RPA2: variants seen among roughly 807,000 people sequenced by gnomAD.
RPA2 encodes replication protein A2, also known as replication protein A 32 kDa subunit.
Under a neutral mutation model 33.4 loss-of-function variants are expected in RPA2, and 22 were observed. The observed-to-expected ratio is 0.66, with a 90% confidence interval of 0.47 to 0.94. RPA2 has a LOEUF of 0.94. Ranked by LOEUF, RPA2 falls within the 40% of genes least tolerant of loss-of-function variation. The pLI is 0.00. For missense variants in RPA2, 279 were observed against 329.9 expected (o/e 0.85, Z 1.19); for synonymous variants, 109 against 114.9 (o/e 0.95, Z 0.33).
At chr1:27,902,109 T>G (rs916968518) in intron 4 of RPA2, among the ~76,000 whole-genome samples, 1 of 152,184 alleles carries the variant, frequency 6.6e-6, no homozygotes, top group East Asian at 1.9e-4. Flanking sequence ...TTTTCTGAGA[T>G]GGAATATTGC....
intron 8 of RPA2, among the ~76,000 whole-genome samples, 174 bp downstream of exon 8, chr1:27,893,838 A>C (rs1304137108): frequency 6.6e-6 from 1 of 151,870 alleles, no homozygotes; most frequent in Non-Finnish European, 1.5e-5. Context: ...CGAACTCCTG[A>C]CCTCAGGTGA....
rs55902224 is a variant in RPA2 at position 27,897,470 on chromosome 1, TAA to T, written c.408+161_408+162del. ...CATTCTGTTAATTTCATGTTAAGGT[TAA>T]AAAAAAAAAAAAGAAAAGTTATTTC... is the stretch of plus-strand genomic sequence containing the variant. On this transcript the variant is annotated intron_variant, in intron 5 of 8. Transcript: ENST00000373912. Among the ~76,000 whole-genome samples the T allele has an allele frequency of 6.7e-3, 966 of 144,332 alleles. 4 individuals are homozygous for T. The highest frequency in any genetic ancestry group is 9.0e-3 in the Non-Finnish European group (585 of 65,184). The allele number at this position is 144,332 out of a possible 152,430, so 94.7% of individuals were successfully genotyped here.
In RPA2 at chr1:27,912,446, G is replaced by A. The variant is rs946618491; in HGVS notation, c.117+1617C>T. Among the ~76,000 whole-genome samples, 13 of 151,900 alleles carry A rather than the reference G, an allele frequency of 8.6e-5. No individual in the cohort carries two copies. The Middle Eastern group carries it at 0.01, about 123-fold the overall frequency. On this transcript the variant is annotated intron_variant, in intron 2 of 8. Transcript: ENST00000373912. ...AACATAGGTAGTACCAGCTGCTAGA[G>A]AGGCTGAGGTGGGAATGATCACTTG...
chr1:27,908,883 T>C (rs2090064366), intron 2 of RPA2, among the ~76,000 whole-genome samples: 1 of 152,202 alleles, frequency 6.6e-6, no homozygotes, highest in Non-Finnish European at 1.5e-5. Context: ...AACATGAAGA[T>C]GAATATGATG....
chr1:27,914,434 T>C lies in RPA2; in HGVS notation c.10A>G (p.Ser4Gly), dbSNP rs2090142506. MWN[S>G]GFESYGSSSY... The stretch of plus-strand genomic sequence containing the variant: ...CTCCACCCCGCACCCCCATCATTAC[T>C]GTTCCACATCTTGGTCACGATTCTC... The change falls in exon 1 of 9, where the codon AGT becomes GGT. Residue 4 changes from serine (S) to glycine (G), a missense_variant and splice_region_variant. Transcript: ENST00000373912. 1.2e-6 allele frequency: 2 copies of C among 1,602,716 alleles called. No individual in the cohort carries two copies. The highest frequency in any genetic ancestry group is 2.2e-5 in the South Asian group (2 of 89,660).
intron 2 of RPA2, among the ~76,000 whole-genome samples, chr1:27,911,478 C>T (rs1010617706): frequency 2.0e-5 from 3 of 152,054 alleles, no homozygotes; most frequent in African/African-American, 7.2e-5. Flanking sequence ...ATTATAATAA[C>T]CAGAATGGAG....
chr1:27,892,848 T>C (rs1303255636), intron 8 of RPA2, among the ~76,000 whole-genome samples: 4 of 152,204 alleles, frequency 2.6e-5, no homozygotes, highest in African/African-American at 4.8e-5. Flanking sequence ...GGAAATGGAA[T>C]CAGCCCTGAG....
At chr1:27,907,878 C>T (rs937600171) in intron 2 of RPA2, among the ~76,000 whole-genome samples, 2 of 152,114 alleles carry the variant, frequency 1.3e-5, no homozygotes, top group East Asian at 1.9e-4. Context: ...GACAGAGTTT[C>T]GCTCCTGTTG....
At chr1:27,914,674 C>G, upstream of RPA2, 1 of 1,613,082 alleles carries the variant, frequency 6.2e-7, no homozygotes, top group Non-Finnish European at 8.5e-7. Context: ...CCAGAAAACG[C>G]GTACTGCGCT....
In RPA2 at chr1:27,907,290, GA is replaced by G; in HGVS notation, c.118-9del. Reference sequence around the variant, plus strand: ...GTGCTGGGCTCGGGCTCTCTGAAAAGAAAAAACATGCAAAATTCAATTAAGA... The same window carrying G: ...GTGCTGGGCTCGGGCTCTCTGAAAAGAAAAACATGCAAAATTCAATTAAGA... On this transcript the variant is annotated splice_polypyrimidine_tract_variant and intron_variant, in intron 2 of 8. Coordinates refer to ENST00000373912, the MANE Select transcript of RPA2 (RefSeq NM_002946.5). The G allele has an allele frequency of 6.3e-7, 1 of 1,588,598 alleles. No individual in the cohort carries two copies.
chr1:27,909,605 T>C (rs2090073015), intron 2 of RPA2, among the ~76,000 whole-genome samples: 1 of 151,670 alleles, frequency 6.6e-6, no homozygotes, highest in African/African-American at 2.4e-5. Flanking sequence ...TCCCAGCTAC[T>C]GGGGAGGCTG....
chr1:27,901,830 C>T (rs2089971139), intron 4 of RPA2, among the ~76,000 whole-genome samples: 1 of 151,726 alleles, frequency 6.6e-6, no homozygotes, highest in Non-Finnish European at 1.5e-5. Context: ...GAAATTCTGG[C>T]CTCAAGTGAT....
chr1:27,898,132 G>A (rs1247014233), intron 4 of RPA2, among the ~76,000 whole-genome samples: 1 of 152,128 alleles, frequency 6.6e-6, no homozygotes, highest in Non-Finnish European at 1.5e-5. Context: ...CAGTAGCTGG[G>A]ATTACAGGCG....
At chr1:27,893,740 C>T (rs1463229945) in intron 8 of RPA2, among the ~76,000 whole-genome samples, 5 of 151,658 alleles carry the variant, frequency 3.3e-5, no homozygotes, top group Non-Finnish European at 5.9e-5. Context: ...CCGGAGTGGC[C>T]GGGATTACAG....
Position 27,907,061 on chromosome 1 carries a change from G to C in RPA2, c.220-20C>G. ...AGTGACCTAGGTTAGAAGAAACAAA[G>C]AAAAAAAAAAAAGGTCTGGTTCCCC... is the stretch of plus-strand genomic sequence containing the variant. On this transcript the variant is annotated intron_variant, in intron 3 of 8. Transcript: ENST00000373912. The C allele has an allele frequency of 2.5e-6, 3 of 1,185,100 alleles. No homozygotes were observed. The highest frequency in any genetic ancestry group is 3.4e-6 in the Non-Finnish European group (3 of 872,352). 73.4% of individuals were successfully genotyped at this position (1,185,100 alleles called of 1,614,324 possible). A position where few individuals can be genotyped will look rare whatever the true frequency, so the allele number is the denominator to read the frequency against.
chr1:27,907,181 C>G lies in RPA2; in HGVS notation c.219G>C (p.Gln73His), dbSNP rs1382280006. The G allele has an allele frequency of 1.9e-6, 3 of 1,609,844 alleles. No individual in the cohort carries two copies. The highest frequency in any genetic ancestry group is 2.5e-6 in the Non-Finnish European group (3 of 1,177,884). ...VFRIGNVEIS[Q>H]VTIVGIIRHA... ...TTCTTTCACAAATTATTTGACATAC[C>G]TGTGAAATCTCAACATTCCCAATTC... The change falls in exon 3 of 9, where the codon CAG becomes CAC. Residue 73 changes from glutamine to histidine, a missense_variant and splice_region_variant. Physicochemically the swap from Gln to His is conservative, Grantham distance 24. Around this residue, in one of 2 missense-constraint regions of RPA2, gnomAD observed 274 missense variants for 310.3 expected, o/e 0.88. Coordinates refer to ENST00000373912, the MANE Select transcript of RPA2 (RefSeq NM_002946.5).
At chr1:27,914,663 T>G, upstream of RPA2, 1 of 1,613,318 alleles carries the variant, frequency 6.2e-7, no homozygotes, top group Non-Finnish European at 8.5e-7. Flanking sequence ...CTGCCCATGC[T>G]CCAGAAAACG....
chr1:27,899,767 G>A (rs902014024), intron 4 of RPA2, among the ~76,000 whole-genome samples: 1 of 151,852 alleles, frequency 6.6e-6, no homozygotes, highest in Admixed American at 6.6e-5. Flanking sequence ...TGCAAGCTCC[G>A]CCTTATGGGT....
chr1:27,896,507 A>G (rs1000983385), intron 6 of RPA2, among the ~76,000 whole-genome samples: 2 of 152,196 alleles, frequency 1.3e-5, no homozygotes, highest in Non-Finnish European at 2.9e-5. Flanking sequence ...CTAGTTTTGC[A>G]TGGTCCTAGA....
Sources: gnomAD v4.1 joint callset for allele counts (sites outside exome capture counted in the v4.1 genomes callset) on GRCh38, gnomAD v4.1.1 for gene constraint, gnomAD v4.1.1 regional missense constraint, MANE v1.5 for transcripts, NCBI Gene and HGNC (gene_info 2026-07-23, HGNC 2026-07-21) for gene names.